IFFO2: variants seen among roughly 807,000 people sequenced by gnomAD.
IFFO2 encodes the protein intermediate filament family orphan 2.
IFFO2 carries 19 observed loss-of-function variants against 53.5 expected under a neutral mutation model. The ratio of observed to expected loss-of-function variants is 0.36; its 90% CI spans 0.25 to 0.52. The LOEUF (loss-of-function observed/expected upper bound fraction) is 0.52, where lower values mean the gene tolerates loss of function less well. Ranked by LOEUF, IFFO2 falls within the 20% of genes least tolerant of loss-of-function variation. The pLI is 0.94. For missense variants in IFFO2, 570 were observed against 727.4 expected (o/e 0.78, Z 2.49); for synonymous variants, 303 against 313.6 (o/e 0.97, Z 0.36).
At position 18,908,244 on chromosome 1, in the gene IFFO2, T is replaced by G. The variant is rs1935979452; in HGVS notation, c.*317A>C. 1 of 327,700 alleles carries G rather than the reference T, an allele frequency of 3.1e-6. No individual in the cohort carries two copies. The highest frequency in any genetic ancestry group is 2.1e-5 in the African/African-American group (1 of 47,502). 20.3% of individuals were successfully genotyped at this position (327,700 alleles called of 1,614,324 possible). A position where few individuals can be genotyped will look rare whatever the true frequency, so the allele number is the denominator to read the frequency against. On this transcript the variant is annotated 3_prime_UTR_variant, in exon 9 of 9. Transcript: ENST00000455833. ...CCTGCTAGGAATAATTCTTTGGAGCTCAAAGTGGCTCAGCTTAAGGGAGAA... is the reference window on the plus strand; with the variant it reads ...CCTGCTAGGAATAATTCTTTGGAGCGCAAAGTGGCTCAGCTTAAGGGAGAA...
rs1224451503 is a variant in IFFO2, at chr1:18,947,162, C to A, written c.665+8506G>T. Among the ~76,000 whole-genome samples the A allele has an allele frequency of 2.6e-5, 4 of 152,356 alleles. No homozygotes were observed. The highest frequency in any genetic ancestry group is 9.6e-5 in the African/African-American group (4 of 41,574). Reference sequence around the variant, plus strand: ...TCTCATCTTCCCCAACAAGAGGCACCAAACGATTGTAACAACTTCCCTGTT... The same window carrying A: ...TCTCATCTTCCCCAACAAGAGGCACAAAACGATTGTAACAACTTCCCTGTT... On this transcript the variant is annotated intron_variant, in intron 1 of 8. Coordinates refer to ENST00000455833, the MANE Select transcript of IFFO2 (RefSeq NM_001136265.2). The surrounding 1 kb of genome is among the most constrained non-coding windows in gnomAD (Gnocchi z 5.0).
intron 1 of IFFO2, among the ~76,000 whole-genome samples, chr1:18,922,653 C>T (rs982706197): frequency 1.8e-4 from 28 of 152,194 alleles, no homozygotes; most frequent in African/African-American, 6.0e-4. Context: ...CTCCCGGGCC[C>T]GGACCTGGAG....
intron 1 of IFFO2, among the ~76,000 whole-genome samples, chr1:18,930,795 C>G (rs1936366293): frequency 6.6e-6 from 1 of 152,228 alleles, no homozygotes; most frequent in Non-Finnish European, 1.5e-5. Context: ...CAGTTGTTTT[C>G]TGAGCCACCT....
rs959242793 is a variant in IFFO2, at chr1:18,956,282, C to T, written c.51G>A (p.Pro17=). 6 of 781,486 alleles carry T rather than the reference C, an allele frequency of 7.7e-6. 1 individual carries two copies. The highest frequency in any genetic ancestry group is 9.7e-5 in the Admixed American group (2 of 20,586). The allele number at this position is 781,486 out of a possible 1,614,324, so 48.4% of individuals were successfully genotyped here. A position where few individuals can be genotyped will look rare whatever the true frequency, so the allele number is the denominator to read the frequency against. ...FGEMALAFGC[P]PGGGGGGCPG... ...GGCAGCCCCCGCCGCCGCCGCCCGG[C>T]GGGCAGCCGAAGGCCAAGGCCATCT... is the stretch of plus-strand genomic sequence containing the variant. The change falls in exon 1 of 9, where the codon CCG becomes CCA. Residue 17 remains proline (P), a synonymous_variant. Coordinates refer to ENST00000455833, the MANE Select transcript of IFFO2 (RefSeq NM_001136265.2). The surrounding 1 kb of genome is among the most constrained non-coding windows in gnomAD (Gnocchi z 6.4).
chr1:18,941,561 C>A (rs947820321), intron 1 of IFFO2, among the ~76,000 whole-genome samples: 1 of 152,232 alleles, frequency 6.6e-6, no homozygotes, highest in Admixed American at 6.5e-5. Flanking sequence ...ATCTACCCAT[C>A]GCCTACAGGG....
At position 18,917,667 on chromosome 1, in the gene IFFO2, C is replaced by A. The variant is rs539246712; in HGVS notation, c.964-625G>T. On this transcript the variant is annotated intron_variant, in intron 4 of 8. Coordinates refer to ENST00000455833, the MANE Select transcript of IFFO2 (RefSeq NM_001136265.2). The surrounding 1 kb of genome is among the most constrained non-coding windows in gnomAD (Gnocchi z 5.9). ...CACAGAGCGACAACACACCGTATTG[C>A]CCTGGGCTCAAGCAAAAGCCAAACC... 5.3e-5 allele frequency among the ~76,000 whole-genome samples: 8 copies of A among 152,278 alleles called. No homozygotes were observed. In the South Asian group the frequency reaches 1.7e-3, roughly 32 times the overall value.
intron 2 of IFFO2, among the ~76,000 whole-genome samples, 157 bp downstream of exon 2, chr1:18,920,904 G>GA (rs1936206987): frequency 6.6e-6 from 1 of 152,244 alleles, no homozygotes; most frequent in Non-Finnish European, 1.5e-5. Context: ...AAGTGGAAGG[G>GA]ATCTCTTGGC....
intron 1 of IFFO2, among the ~76,000 whole-genome samples, chr1:18,924,262 T>A: frequency 6.6e-6 from 1 of 152,092 alleles, no homozygotes; most frequent in East Asian, 1.9e-4. Flanking sequence ...ACACCTGTAT[T>A]CCCTGCCCAC....
intron 1 of IFFO2, among the ~76,000 whole-genome samples, chr1:18,929,605 A>G (rs553106374): frequency 6.6e-6 from 1 of 151,698 alleles, no homozygotes; most frequent in East Asian, 1.9e-4. Flanking sequence ...TTTCCTGGTG[A>G]CCAAGGGGCC....
At chr1:18,940,065 C>T (rs1021088435) in intron 1 of IFFO2, among the ~76,000 whole-genome samples, 3 of 152,160 alleles carry the variant, frequency 2.0e-5, no homozygotes, top group East Asian at 1.9e-4. Flanking sequence ...GTTCCAGATG[C>T]GGGAGGGTGT....
Position 18,916,891 on chromosome 1 carries a change from G to C in IFFO2, c.1103+12C>G, listed in dbSNP as rs28661644. ...GGGAAACGGAGAGTGTGCGGGCCACGGGGATACTCACAGCTGGTTAAACAT... is the reference window on the plus strand; with the variant it reads ...GGGAAACGGAGAGTGTGCGGGCCACCGGGATACTCACAGCTGGTTAAACAT... On this transcript the variant is annotated intron_variant, in intron 5 of 8. Transcript: ENST00000455833. This position sits in a 1 kb window ranked among gnomAD's most constrained non-coding sequence, Gnocchi z 4.3. The C allele has an allele frequency of 5.6e-3, 8,647 of 1,551,586 alleles. 422 individuals carry two copies. The African/African-American group carries it at 0.1, about 19-fold the overall frequency.
intron 7 of IFFO2, 82 bp from the exon 8 acceptor site, chr1:18,910,554 C>T: frequency 6.6e-7 from 1 of 1,506,540 alleles, no homozygotes; most frequent in Non-Finnish European, 9.0e-7. Flanking sequence ...TCCTGGATTC[C>T]TCAGGGATGG....
chr1:18,925,856 G>A (rs1418123952), intron 1 of IFFO2, among the ~76,000 whole-genome samples: 421 of 35,264 alleles, frequency 0.012, 3 homozygotes, highest in Non-Finnish European at 0.017. Flanking sequence ...GGATGGATTG[G>A]TTGGATGGAT....
chr1:18,938,141 C>T (rs1008450965), intron 1 of IFFO2, among the ~76,000 whole-genome samples: 2 of 152,242 alleles, frequency 1.3e-5, no homozygotes, highest in South Asian at 2.1e-4. Flanking sequence ...CTGGGATGGG[C>T]GTCCAACTCA....
intron 7 of IFFO2, among the ~76,000 whole-genome samples, 166 bp downstream of exon 7, chr1:18,911,218 C>T (rs993601962): frequency 1.4e-4 from 21 of 152,210 alleles, no homozygotes; most frequent in African/African-American, 5.1e-4. Flanking sequence ...GAAACTGAGG[C>T]CCTAAGAAAG....
At position 18,921,114 on chromosome 1, in the gene IFFO2, C is replaced by T; in HGVS notation, c.673G>A (p.Glu225Lys). Residue 225 changes from glutamate (E) to lysine (K), a missense_variant, in exon 2 of 9, where the codon GAG becomes AAG. Physicochemically the swap from Glu to Lys is moderately conservative, Grantham distance 56. Coordinates refer to ENST00000455833, the MANE Select transcript of IFFO2 (RefSeq NM_001136265.2). ...ERDEYKRRWEEELAKRMNLQT... is the reference protein window; with the variant it reads ...ERDEYKRRWEKELAKRMNLQT... ...AGGTTCATGCGCTTGGCGAGCTCCT[C>T]CTCCCACCTGCAAAAGCCAAGAGGA... 2 of 1,551,922 alleles carry T rather than the reference C, an allele frequency of 1.3e-6. No individual in the cohort carries two copies. The highest frequency in any genetic ancestry group is 1.7e-6 in the Non-Finnish European group (2 of 1,147,042).
At chr1:18,914,962 C>T (rs1557639240) in intron 5 of IFFO2, among the ~76,000 whole-genome samples, 1 of 152,090 alleles carries the variant, frequency 6.6e-6, no homozygotes, top group Non-Finnish European at 1.5e-5. Context: ...CAGCTCCGAT[C>T]CCAGTTCTGT....
At chr1:18,930,541 G>A (rs961398572) in intron 1 of IFFO2, among the ~76,000 whole-genome samples, 8 of 152,174 alleles carry the variant, frequency 5.3e-5, no homozygotes, top group Non-Finnish European at 7.4e-5. Flanking sequence ...TGCTTTCACC[G>A]TCCACACCCC....
Position 18,919,618 on chromosome 1 carries a change from CATTTT to C in IFFO2, c.822+55_822+59del. 8.8e-7 allele frequency: 1 copy of C among 1,136,046 alleles called. No individual in the cohort carries two copies. Among genetic ancestry groups the C allele is most frequent in the Non-Finnish European group, 1.3e-6 (1 of 768,470 alleles). 70.4% of individuals were successfully genotyped at this position (1,136,046 alleles called of 1,614,324 possible). ...CCCCGGAGCCTCGGAGGGAATGAAG[CATTTT>C]GCATGATGGGTGTGGGGGAGGTCAT... On this transcript the variant is annotated intron_variant, in intron 3 of 8. Coordinates refer to ENST00000455833, the MANE Select transcript of IFFO2 (RefSeq NM_001136265.2). This position sits in a 1 kb window ranked among gnomAD's most constrained non-coding sequence, Gnocchi z 4.9.
Sources: allele counts gnomAD v4.1 joint callset (sites outside exome capture counted in the v4.1 genomes callset), GRCh38; gene constraint gnomAD v4.1.1; non-coding constraint Gnocchi (gnomAD v3.1); transcripts MANE v1.5; gene names NCBI Gene and HGNC (gene_info 2026-07-23, HGNC 2026-07-21).